The following SEMA3E variants were observed in gnomAD, a reference collection of about 807,000 sequenced individuals.
SEMA3E encodes semaphorin-3E.
SEMA3E carries 49 observed loss-of-function variants against 93.6 expected under a neutral mutation model. That is an observed-to-expected ratio of 0.52 (90% CI 0.42 to 0.66). The LOEUF (loss-of-function observed/expected upper bound fraction) is 0.66. Ranked by LOEUF, SEMA3E falls within the 30% of genes least tolerant of loss-of-function variation. The probability of loss-of-function intolerance (pLI) is 0.00; values close to 1 mark genes in which losing one functional copy is unlikely to be tolerated. For missense variants in SEMA3E, 906 were observed against 964.8 expected, an observed-to-expected ratio of 0.94 and a Z score of 0.81; for synonymous variants, 363 against 330.7, an observed-to-expected ratio of 1.10 and a Z score of -1.06.
chr7:83,386,903 G>T lies in SEMA3E; in HGVS notation c.1735+80C>A, dbSNP rs879194427. On this transcript the variant is annotated intron_variant, in intron 15 of 16. Coordinates refer to ENST00000643230, the MANE Select transcript of SEMA3E (RefSeq NM_012431.3). The stretch of plus-strand genomic sequence containing the variant: ...TATACATGAATCACAAAGAAAAAAA[G>T]GACTCTTTTTAAGAAGTTTGTAGTT... The T allele has an allele frequency of 1.3e-4, 155 of 1,202,578 alleles. 2 individuals carry two copies. In the South Asian group the frequency reaches 1.8e-3, roughly 14 times the overall value. 74.5% of individuals were successfully genotyped at this position (1,202,578 alleles called of 1,614,324 possible).
intron 16 of SEMA3E, among the ~76,000 whole-genome samples, chr7:83,377,883 T>C (rs1055838737): frequency 2.0e-5 from 3 of 152,010 alleles, no homozygotes; most frequent in African/African-American, 7.2e-5. Flanking sequence ...ACTTCAACTA[T>C]ATGACCTTAA....
chr7:83,404,574 T>G (rs1788291672), intron 9 of SEMA3E, among the ~76,000 whole-genome samples: 1 of 151,992 alleles, frequency 6.6e-6, no homozygotes, highest in Admixed American at 6.6e-5. Context: ...ATACTGATTC[T>G]AATATTTTTA....
chr7:83,507,508 G>T (rs1790729192), intron 1 of SEMA3E, among the ~76,000 whole-genome samples: 1 of 151,662 alleles, frequency 6.6e-6, no homozygotes, highest in South Asian at 2.1e-4. Flanking sequence ...GAGACAGAGA[G>T]ACACAAAGAG....
At chr7:83,490,835 T>C (rs1562804867) in intron 1 of SEMA3E, among the ~76,000 whole-genome samples, 1 of 152,110 alleles carries the variant, frequency 6.6e-6, no homozygotes, top group East Asian at 1.9e-4. Context: ...GCTAATACTC[T>C]TGCATTCGTG....
At chr7:83,600,183 A>C (rs1199882401) in intron 1 of SEMA3E, among the ~76,000 whole-genome samples, 1 of 152,170 alleles carries the variant, frequency 6.6e-6, no homozygotes, top group African/African-American at 2.4e-5. Flanking sequence ...GTTCATAAAA[A>C]TCCTTCCAAT....
At position 83,364,739 on chromosome 7, in the gene SEMA3E, G is replaced by A. The variant is rs1008739955; in HGVS notation, c.*2847C>T. 1 of 152,212 alleles carries A rather than the reference G, an allele frequency of 6.6e-6. No homozygotes were observed. Among genetic ancestry groups the A allele is most frequent in the African/African-American group, 2.4e-5 (1 of 41,450 alleles). The allele number at this position is 152,212 out of a possible 1,614,324, so 9.4% of individuals were successfully genotyped here. Reference sequence around the variant, plus strand: ...AGATAGAAGAGGTCTAAAGAAGCAGGAGACCGGCCCTCGATGGAGGTGCCT... The same window carrying A: ...AGATAGAAGAGGTCTAAAGAAGCAGAAGACCGGCCCTCGATGGAGGTGCCT... On this transcript the variant is annotated 3_prime_UTR_variant, in exon 17 of 17. Coordinates refer to ENST00000643230, the MANE Select transcript of SEMA3E (RefSeq NM_012431.3).
intron 1 of SEMA3E, among the ~76,000 whole-genome samples, chr7:83,502,574 A>T (rs1790616663): frequency 6.6e-6 from 1 of 150,496 alleles, no homozygotes; most frequent in Non-Finnish European, 1.5e-5. Context: ...CTTAAGAAAT[A>T]AGCCCTCCCA....
intron 1 of SEMA3E, among the ~76,000 whole-genome samples, chr7:83,622,981 TTAAAA>T (rs559599898): frequency 1.3e-5 from 2 of 151,986 alleles, no homozygotes; most frequent in Non-Finnish European, 1.5e-5. Flanking sequence ...ACCTTGGAAC[TTAAAA>T]TAAAAGTTGA....
At chr7:83,482,393 C>A (rs139598135) in intron 2 of SEMA3E, among the ~76,000 whole-genome samples, 1 of 151,416 alleles carries the variant, frequency 6.6e-6, no homozygotes, top group Non-Finnish European at 1.5e-5. Context: ...GGTGAAATCC[C>A]GTCTCTACTA....
At chr7:83,592,614 C>T (rs1027516699) in intron 1 of SEMA3E, among the ~76,000 whole-genome samples, 5 of 152,086 alleles carry the variant, frequency 3.3e-5, no homozygotes, top group East Asian at 1.9e-4. Flanking sequence ...GAGAAGAAAG[C>T]AATAGGTTCA....
chr7:83,633,675 T>C (rs1793828578), intron 1 of SEMA3E, among the ~76,000 whole-genome samples: 1 of 152,170 alleles, frequency 6.6e-6, no homozygotes, highest in East Asian at 1.9e-4. Context: ...GCTGTTCTTC[T>C]CTACTCTGCC....
At chr7:83,633,691 TC>T (rs1793828774) in intron 1 of SEMA3E, among the ~76,000 whole-genome samples, 1 of 152,234 alleles carries the variant, frequency 6.6e-6, no homozygotes, top group Admixed American at 6.5e-5. Flanking sequence ...CTGCCTGCCA[TC>T]CTCAGCAAAA....
intron 1 of SEMA3E, among the ~76,000 whole-genome samples, chr7:83,614,245 C>T (rs1336447592): frequency 3.9e-5 from 6 of 152,118 alleles, no homozygotes; most frequent in African/African-American, 1.2e-4. Context: ...TTCTCAGTGC[C>T]AAAATTCAGG....
At chr7:83,644,167 A>G (rs1434372707) in intron 1 of SEMA3E, among the ~76,000 whole-genome samples, 2 of 150,590 alleles carry the variant, frequency 1.3e-5, no homozygotes, top group Non-Finnish European at 3.0e-5. Flanking sequence ...GAGTGAATAC[A>G]TGTAACAAAT....
At chr7:83,574,133 C>T (rs1028706696) in intron 1 of SEMA3E, among the ~76,000 whole-genome samples, 6 of 151,918 alleles carry the variant, frequency 3.9e-5, no homozygotes, top group Non-Finnish European at 8.8e-5. Context: ...CAAACCAAAT[C>T]CTGAAGGATT....
Position 83,392,727 on chromosome 7 carries a change from G to A in SEMA3E, c.1501-6C>T, listed in dbSNP as rs1456216409. The A allele has an allele frequency of 6.2e-7, 1 of 1,613,568 alleles. No individual in the cohort carries two copies. Among genetic ancestry groups the A allele is most frequent in the Non-Finnish European group, 8.5e-7 (1 of 1,179,680 alleles). ...GATCCAATATACAGCTGTTGCTACAGAAATCAGAAAGAGGTCACTAGCAGA... is the reference window on the plus strand; with the variant it reads ...GATCCAATATACAGCTGTTGCTACAAAAATCAGAAAGAGGTCACTAGCAGA... On this transcript the variant is annotated splice_polypyrimidine_tract_variant and splice_region_variant and intron_variant, in intron 13 of 16. Transcript: ENST00000643230.
At chr7:83,560,623 C>A (rs1562832913) in intron 1 of SEMA3E, among the ~76,000 whole-genome samples, 1 of 151,976 alleles carries the variant, frequency 6.6e-6, no homozygotes, top group Non-Finnish European at 1.5e-5. Context: ...CTCCTTTGAA[C>A]TGATTATATC....
chr7:83,506,027 A>AT (rs1790697879), intron 1 of SEMA3E, among the ~76,000 whole-genome samples: 11 of 132,546 alleles, frequency 8.3e-5, no homozygotes, highest in Non-Finnish European at 1.3e-4. Context: ...AAAAAAAAAA[A>AT]AAAAAATATA....
chr7:83,625,953 A>G (rs986757610), intron 1 of SEMA3E, among the ~76,000 whole-genome samples: 7 of 152,124 alleles, frequency 4.6e-5, no homozygotes, highest in Non-Finnish European at 1.0e-4. Context: ...TTCTGCATCT[A>G]TTGAGATAAT....
Sources: gnomAD v4.1 joint callset for allele counts (sites outside exome capture counted in the v4.1 genomes callset) on GRCh38, gnomAD v4.1.1 for gene constraint, MANE v1.5 for transcripts, NCBI Gene and HGNC (gene_info 2026-07-23, HGNC 2026-07-21) for gene names.